The following PPP1R9A variants were observed in gnomAD, a reference collection of about 807,000 sequenced individuals.
PPP1R9A encodes protein phosphatase 1 regulatory subunit 9A, also known as neurabin-1.
A neutral mutation model predicts 141.9 loss-of-function variants in PPP1R9A; 59 were observed. That is an observed-to-expected ratio of 0.42 (90% CI 0.34 to 0.52). The LOEUF (loss-of-function observed/expected upper bound fraction) is 0.52. PPP1R9A is among the 20% of genes least tolerant of loss of function. PPP1R9A has a pLI of 0.10. For missense variants in PPP1R9A, 1,444 were observed against 1,611.9 expected (o/e 0.90, Z 1.78); for synonymous variants, 500 against 569.7 (o/e 0.88, Z 1.74).
intron 8 of PPP1R9A, among the ~76,000 whole-genome samples, chr7:95,237,700 G>A (rs979954133): frequency 6.6e-6 from 1 of 151,966 alleles, no homozygotes; most frequent in African/African-American, 2.4e-5. Flanking sequence ...CTGCATATAT[G>A]TTGAGGATTA....
chr7:94,939,956 C>T (rs1262206666), intron 2 of PPP1R9A, among the ~76,000 whole-genome samples: 1 of 151,864 alleles, frequency 6.6e-6, no homozygotes, highest in African/African-American at 2.4e-5. Flanking sequence ...GCATGCTCTA[C>T]AAGTAGGAGG....
intron 8 of PPP1R9A, among the ~76,000 whole-genome samples, chr7:95,233,158 G>T (rs1796208218): frequency 6.6e-6 from 1 of 152,120 alleles, no homozygotes; most frequent in South Asian, 2.1e-4. Flanking sequence ...AGAAAATGTG[G>T]CACATATACA....
intron 2 of PPP1R9A, among the ~76,000 whole-genome samples, chr7:94,945,239 T>G (rs1018977779): frequency 6.6e-6 from 1 of 152,120 alleles, no homozygotes; most frequent in Admixed American, 6.6e-5. Flanking sequence ...CTGGTGCTTT[T>G]CTTTCCTTTT....
At chr7:94,925,672 T>C (rs1793384357) in intron 2 of PPP1R9A, among the ~76,000 whole-genome samples, 1 of 152,148 alleles carries the variant, frequency 6.6e-6, no homozygotes, top group Non-Finnish European at 1.5e-5. Flanking sequence ...GAATTTGTTT[T>C]ATGGTTGTGT....
intron 8 of PPP1R9A, among the ~76,000 whole-genome samples, chr7:95,241,081 G>T (rs950765678): frequency 6.6e-6 from 1 of 152,088 alleles, no homozygotes; most frequent in African/African-American, 2.4e-5. Context: ...GCAATTCTCT[G>T]TACTAAGGTC....
intron 4 of PPP1R9A, among the ~76,000 whole-genome samples, chr7:95,143,413 C>T (rs780139700): frequency 6.6e-5 from 10 of 152,022 alleles, no homozygotes; most frequent in Non-Finnish European, 1.3e-4. Context: ...GACCATAGAT[C>T]TCAGACTTAT....
chr7:95,149,923 T>A (rs149288840), intron 4 of PPP1R9A, among the ~76,000 whole-genome samples: 1 of 151,568 alleles, frequency 6.6e-6, no homozygotes, highest in Admixed American at 6.6e-5. Flanking sequence ...AATAACAAAG[T>A]TGGAGGAGTG....
rs549833707 is a variant in PPP1R9A at position 95,262,661 on chromosome 7, T to A, written c.2666-5889T>A. ...AGGCTGATCATAAACTGAAGAAGGG[T>A]ATATTAGATATCAGATTGCACCAGA... On this transcript the variant is annotated intron_variant, in intron 12 of 19. Transcript: ENST00000433360. Among the ~76,000 whole-genome samples, 187 of 151,942 alleles carry A rather than the reference T, an allele frequency of 1.2e-3. 2 individuals carry two copies. Among genetic ancestry groups the A allele is most frequent in the African/African-American group, 4.3e-3 (178 of 41,434 alleles).
intron 8 of PPP1R9A, among the ~76,000 whole-genome samples, chr7:95,244,037 G>A (rs2374984): frequency 0.56 from 85,224 of 151,968 alleles, 24,021 homozygotes; most frequent in South Asian, 0.62. Flanking sequence ...TTCTCTTAAT[G>A]TACATACAGA....
chr7:95,244,041 A>C (rs1040189288), intron 8 of PPP1R9A, among the ~76,000 whole-genome samples: 1 of 152,184 alleles, frequency 6.6e-6, no homozygotes, highest in African/African-American at 2.4e-5. Flanking sequence ...CTTAATGTAC[A>C]TACAGAATTA....
chr7:94,997,306 C>T (rs1317099385), intron 2 of PPP1R9A, among the ~76,000 whole-genome samples: 1 of 152,000 alleles, frequency 6.6e-6, no homozygotes, highest in East Asian at 1.9e-4. Context: ...TTATGAATCA[C>T]ATTTTAAAAT....
chr7:95,072,331 TATA>T (rs905478106), intron 2 of PPP1R9A, among the ~76,000 whole-genome samples: 183 of 144,618 alleles, frequency 1.3e-3, no homozygotes, highest in Non-Finnish European at 2.2e-3. Context: ...ATATATTATA[TATA>T]ATAATATAAG....
intron 5 of PPP1R9A, among the ~76,000 whole-genome samples, chr7:95,177,321 G>C (rs1281863215): frequency 6.6e-6 from 1 of 152,090 alleles, no homozygotes; most frequent in South Asian, 2.1e-4. Context: ...CAAATGCCAA[G>C]AGAATTCACC....
At chr7:95,069,431 T>TGGAAGGAGAG (rs1477078649) in intron 2 of PPP1R9A, among the ~76,000 whole-genome samples, 3 of 151,758 alleles carry the variant, frequency 2.0e-5, no homozygotes, top group African/African-American at 4.8e-5. Flanking sequence ...GCAGTTAAAA[T>TGGAAGGAGAG]GGAAGGAGAG....
intron 2 of PPP1R9A, among the ~76,000 whole-genome samples, chr7:94,967,639 C>A (rs2151188988): frequency 6.6e-6 from 1 of 151,142 alleles, no homozygotes; most frequent in South Asian, 2.1e-4. Context: ...GAGTGAGTTT[C>A]TTTTTTTTTG....
intron 2 of PPP1R9A, among the ~76,000 whole-genome samples, chr7:95,063,102 G>T (rs1812465243): frequency 6.6e-6 from 1 of 152,174 alleles, no homozygotes; most frequent in Admixed American, 6.5e-5. Context: ...TTCTTGGCAG[G>T]GAATTGGTGG....
intron 2 of PPP1R9A, among the ~76,000 whole-genome samples, chr7:94,958,948 A>C (rs1797336021): frequency 6.6e-6 from 1 of 152,046 alleles, no homozygotes; most frequent in South Asian, 2.1e-4. Flanking sequence ...GTTAATGAAC[A>C]ACTACTAGAA....
chr7:94,972,157 CTG>C (rs917069972), intron 2 of PPP1R9A, among the ~76,000 whole-genome samples: 10 of 152,278 alleles, frequency 6.6e-5, no homozygotes, highest in African/African-American at 2.4e-4. Context: ...AAGCAGTTGT[CTG>C]TTTTTTCATA....
At chr7:94,924,373 T>C (rs554884680) in intron 2 of PPP1R9A, among the ~76,000 whole-genome samples, 1 of 152,310 alleles carries the variant, frequency 6.6e-6, no homozygotes, top group East Asian at 1.9e-4. Flanking sequence ...GTTCTGTGAG[T>C]AGTAGCATTA....
Sources: gnomAD v4.1 joint callset for allele counts (sites outside exome capture counted in the v4.1 genomes callset) on GRCh38, gnomAD v4.1.1 for gene constraint, MANE v1.5 for transcripts, NCBI Gene and HGNC (gene_info 2026-07-23, HGNC 2026-07-21) for gene names.